WWOX: variants seen among roughly 807,000 people sequenced by gnomAD.
The protein encoded by WWOX is WW domain-containing oxidoreductase.
In WWOX, 69 loss-of-function variants were observed where a neutral mutation model predicts 46.2. That is an observed-to-expected ratio of 1.49 (90% confidence interval 1.23 to 1.82). The LOEUF is 1.82. Among genes scored for constraint, WWOX ranks in the 40% most tolerant of loss-of-function variants. WWOX has a pLI of 0.00. For missense variants in WWOX, 919 were observed against 542.6 expected, an observed-to-expected ratio of 1.69 and a Z score of -6.89; for synonymous variants, 359 against 202.6, an observed-to-expected ratio of 1.77 and a Z score of -6.56.
intron 5 of WWOX, among the ~76,000 whole-genome samples, chr16:78,366,072 T>C (rs1331560098): frequency 6.6e-6 from 1 of 152,178 alleles, no homozygotes; most frequent in East Asian, 1.9e-4. Context: ...AAAATGTCTG[T>C]TCTTAGCACC....
intron 8 of WWOX, among the ~76,000 whole-genome samples, chr16:78,843,757 A>G (rs764057307): frequency 1.3e-5 from 2 of 152,246 alleles, no homozygotes; most frequent in Non-Finnish European, 2.9e-5. Flanking sequence ...GTTGCATCAA[A>G]TATTTAGCCA....
At chr16:78,850,516 G>A (rs978026696) in intron 8 of WWOX, among the ~76,000 whole-genome samples, 3 of 152,118 alleles carry the variant, frequency 2.0e-5, no homozygotes, top group Admixed American at 6.6e-5. Flanking sequence ...TTTTTTTACT[G>A]CTAAGAATAA....
At chr16:78,928,411 C>T (rs986156954) in intron 8 of WWOX, among the ~76,000 whole-genome samples, 8 of 151,864 alleles carry the variant, frequency 5.3e-5, no homozygotes, top group African/African-American at 1.9e-4. Flanking sequence ...ACCGTGTTAG[C>T]CAGGATGGTC....
At chr16:78,548,580 T>C (rs926099903) in intron 8 of WWOX, among the ~76,000 whole-genome samples, 2 of 152,214 alleles carry the variant, frequency 1.3e-5, no homozygotes, top group Non-Finnish European at 2.9e-5. Flanking sequence ...TTCCCATCAA[T>C]TTAAACATCA....
chr16:78,998,099 C>T (rs948209404), intron 8 of WWOX, among the ~76,000 whole-genome samples: 3 of 152,178 alleles, frequency 2.0e-5, no homozygotes, highest in African/African-American at 4.8e-5. Flanking sequence ...TGGTCTTGAA[C>T]TCCTGACCTC....
chr16:78,879,367 G>A (rs998268697), intron 8 of WWOX, among the ~76,000 whole-genome samples: 2 of 152,152 alleles, frequency 1.3e-5, no homozygotes, highest in African/African-American at 2.4e-5. Context: ...GTTTGCTGTT[G>A]TTTCAAATGT....
intron 8 of WWOX, among the ~76,000 whole-genome samples, chr16:78,905,147 C>T (rs75779966): frequency 2.7e-3 from 418 of 152,296 alleles, no homozygotes; most frequent in Non-Finnish European, 4.6e-3. Context: ...AACTGACCCT[C>T]TATGAGGGGT....
chr16:78,309,978 T>G (rs1363340909), intron 5 of WWOX, among the ~76,000 whole-genome samples: 2 of 152,210 alleles, frequency 1.3e-5, no homozygotes, highest in Non-Finnish European at 2.9e-5. Flanking sequence ...AGCCAGGGTC[T>G]GGGCATTAAT....
chr16:78,743,724 G>A (rs772903561), intron 8 of WWOX, among the ~76,000 whole-genome samples: 1 of 152,012 alleles, frequency 6.6e-6, no homozygotes, highest in Non-Finnish European at 1.5e-5. Flanking sequence ...TTGTAACTTC[G>A]CTTCACCCTC....
At chr16:78,740,054 C>A (rs1333084635) in intron 8 of WWOX, among the ~76,000 whole-genome samples, 1 of 152,100 alleles carries the variant, frequency 6.6e-6, no homozygotes, top group Non-Finnish European at 1.5e-5. Context: ...ACCTAACTGA[C>A]CCCACTGTGG....
Position 78,811,394 on chromosome 16 carries a change from A to G in WWOX, c.1056+378642A>G, listed in dbSNP as rs575489165. Reference sequence around the variant, plus strand: ...CCTTTGAGAAGCTATCACTGTGTACATTTACTGTATCTATTAACTTTCTTC... The same window carrying G: ...CCTTTGAGAAGCTATCACTGTGTACGTTTACTGTATCTATTAACTTTCTTC... On this transcript the variant is annotated intron_variant, in intron 8 of 8. Transcript: ENST00000566780. Among the ~76,000 whole-genome samples the G allele has an allele frequency of 7.6e-4, 115 of 152,122 alleles. 2 individuals are homozygous for G. The Middle Eastern group carries it at 0.014, about 18-fold the overall frequency.
intron 8 of WWOX, among the ~76,000 whole-genome samples, chr16:79,058,639 C>A (rs1433277659): frequency 6.6e-6 from 1 of 152,164 alleles, no homozygotes; most frequent in Non-Finnish European, 1.5e-5. Context: ...GAAAAAATTT[C>A]CTTGGATATG....
chr16:78,218,538 A>G (rs1221887193), intron 5 of WWOX, among the ~76,000 whole-genome samples: 1 of 152,202 alleles, frequency 6.6e-6, no homozygotes, highest in Non-Finnish European at 1.5e-5. Flanking sequence ...TGCTTTTTAA[A>G]ATTTACCGCC....
intron 8 of WWOX, among the ~76,000 whole-genome samples, chr16:78,717,837 C>T (rs11645225): frequency 0.17 from 25,887 of 152,000 alleles, 2,800 homozygotes; most frequent in East Asian, 0.24. Context: ...TTTATATTTC[C>T]CTCTCTGTCT....
At chr16:78,880,708 T>G (rs568076621) in intron 8 of WWOX, among the ~76,000 whole-genome samples, 1 of 152,346 alleles carries the variant, frequency 6.6e-6, no homozygotes, top group South Asian at 2.1e-4. Context: ...ATCTGAGAGT[T>G]CACATAAGTG....
chr16:79,002,615 T>C (rs1038455033), intron 8 of WWOX, among the ~76,000 whole-genome samples: 17 of 152,236 alleles, frequency 1.1e-4, no homozygotes, highest in African/African-American at 4.1e-4. Context: ...TTTTGAGCTC[T>C]GACTTTGCAT....
chr16:78,736,861 A>C (rs9926477), intron 8 of WWOX, among the ~76,000 whole-genome samples: 11,934 of 152,130 alleles, frequency 0.078, 886 homozygotes, highest in African/African-American at 0.17. Context: ...CCCCTGCCTC[A>C]GAATCCCAAA....
At chr16:78,665,794 C>A (rs1445229427) in intron 8 of WWOX, among the ~76,000 whole-genome samples, 3 of 152,154 alleles carry the variant, frequency 2.0e-5, no homozygotes, top group African/African-American at 7.2e-5. Context: ...GAGTGATTCT[C>A]CTACCTCAGA....
chr16:78,541,984 C>T (rs1287110136), intron 8 of WWOX, among the ~76,000 whole-genome samples: 1 of 114,788 alleles, frequency 8.7e-6, no homozygotes, highest in African/African-American at 3.3e-5. Flanking sequence ...TGTTTGAAGT[C>T]AGTTACCAGA....
Sources: gnomAD v4.1 joint callset for allele counts (sites outside exome capture counted in the v4.1 genomes callset) on GRCh38, gnomAD v4.1.1 for gene constraint, MANE v1.5 for transcripts, NCBI Gene and HGNC (gene_info 2026-07-23, HGNC 2026-07-21) for gene names.